The following POU2F2 variants were observed in gnomAD, a reference collection of about 807,000 sequenced individuals.
POU2F2 encodes POU domain, class 2, transcription factor 2.
Under a neutral mutation model 63.5 loss-of-function variants are expected in POU2F2, and 14 were observed. The observed-to-expected ratio is 0.22, with a 90% CI of 0.15 to 0.34. The LOEUF is 0.34. POU2F2 is among the 10% of genes least tolerant of loss of function. The pLI, the probability that POU2F2 is intolerant of heterozygous loss-of-function variation, is 1.00. For synonymous variants in POU2F2, 306 were observed against 348.6 expected (o/e 0.88, Z 1.36); for missense variants, 607 against 815.2 (o/e 0.74, Z 3.11).
At position 42,152,384 on chromosome 19, in the gene POU2F2, G is replaced by A. The variant is rs1251911163; in HGVS notation, c.-9+7948C>T. On this transcript the variant is annotated intron_variant, in intron 2 of 6. Transcript: ENST00000524801. The surrounding 1 kb of genome is among the most constrained non-coding windows in gnomAD (Gnocchi z 4.1). ...ACAGCCTGCCAAGAAGGCCCCAGAT[G>A]GGCCGAGGACTATAGGGGTCCCGGC... Among the ~76,000 whole-genome samples the A allele has an allele frequency of 6.6e-6, 1 of 152,020 alleles. No individual in the cohort carries two copies. Among genetic ancestry groups the A allele is most frequent in the African/African-American group, 2.4e-5 (1 of 41,398 alleles).
intron 5 of POU2F2, among the ~76,000 whole-genome samples, chr19:42,105,221 T>C (rs2077292092): frequency 6.6e-6 from 1 of 152,186 alleles, no homozygotes; most frequent in Non-Finnish European, 1.5e-5. Context: ...CATAATCTTT[T>C]GGCCCCACAA....
intron 5 of POU2F2, among the ~76,000 whole-genome samples, chr19:42,115,469 C>T (rs888909009): frequency 6.6e-6 from 1 of 152,172 alleles, no homozygotes; most frequent in African/African-American, 2.4e-5. Flanking sequence ...AAACGCCAGG[C>T]TAAGGGAAGT....
At chr19:42,116,035 C>G (rs1180285823) in intron 5 of POU2F2, among the ~76,000 whole-genome samples, 1 of 152,196 alleles carries the variant, frequency 6.6e-6, no homozygotes, top group African/African-American at 2.4e-5. Context: ...ATGACAGATT[C>G]TCCCTGGGAG....
At chr19:42,140,455 G>A (rs770246210) in intron 2 of POU2F2, among the ~76,000 whole-genome samples, 5 of 152,286 alleles carry the variant, frequency 3.3e-5, no homozygotes, top group African/African-American at 9.6e-5. Flanking sequence ...GGACCTCCCC[G>A]CTGGCCACAG....
At chr19:42,140,311 GC>G (rs1012565248) in intron 2 of POU2F2, among the ~76,000 whole-genome samples, 4 of 152,166 alleles carry the variant, frequency 2.6e-5, no homozygotes, top group African/African-American at 9.7e-5. Context: ...CTCAGAGGCC[GC>G]CGCTGTCATC....
At chr19:42,188,831 GAAA>G (rs1283904209) in intron 1 of POU2F2, among the ~76,000 whole-genome samples, 2 of 141,426 alleles carry the variant, frequency 1.4e-5, no homozygotes, top group Admixed American at 7.3e-5. Flanking sequence ...GAGAGAGGAA[GAAA>G]AAAGAAAGAA....
chr19:42,087,653 T>C lies in POU2F2; in HGVS notation c.*3604A>G, dbSNP rs2076591034. 1 of 150,376 alleles carries C rather than the reference T, an allele frequency of 6.6e-6. No homozygotes were observed. The highest frequency in any genetic ancestry group is 6.7e-5 in the Admixed American group (1 of 15,010). 9.3% of individuals were successfully genotyped at this position (150,376 alleles called of 1,614,324 possible). Reference sequence around the variant, plus strand: ...GCCCACCATTAGGGTAGACCCAGTCTCTGTCCCTCCCTTAAGTAGGAGGTC... The same window carrying C: ...GCCCACCATTAGGGTAGACCCAGTCCCTGTCCCTCCCTTAAGTAGGAGGTC... On this transcript the variant is annotated 3_prime_UTR_variant, in exon 15 of 15. Transcript: ENST00000692977.
intron 1 of POU2F2, among the ~76,000 whole-genome samples, chr19:42,161,755 A>C (rs1278613224): frequency 6.6e-6 from 1 of 152,084 alleles, no homozygotes; most frequent in African/African-American, 2.4e-5. Flanking sequence ...CTTCATCTTC[A>C]GGGGCAGAAG....
intron 1 of POU2F2, among the ~76,000 whole-genome samples, chr19:42,171,475 T>G (rs1326063325): frequency 6.8e-6 from 1 of 146,532 alleles, no homozygotes; most frequent in Non-Finnish European, 1.5e-5. Flanking sequence ...TGTGTGCACT[T>G]TAATGCAGGA....
In POU2F2 at chr19:42,092,325, A is replaced by G; in HGVS notation, c.1265-55T>C. The G allele has an allele frequency of 7.3e-7, 1 of 1,367,090 alleles. No homozygotes were observed. The highest frequency in any genetic ancestry group is 1.0e-6 in the Non-Finnish European group (1 of 979,792). 84.7% of individuals were successfully genotyped at this position (1,367,090 alleles called of 1,614,324 possible). Reference sequence around the variant, plus strand: ...TTCAGCTTCCACTCGTCCCCCACTGAGGAACCTGGGGTCAGCTCCTACTTG... The same window carrying G: ...TTCAGCTTCCACTCGTCCCCCACTGGGGAACCTGGGGTCAGCTCCTACTTG... On this transcript the variant is annotated intron_variant, in intron 12 of 14. Transcript: ENST00000692977. The surrounding 1 kb of genome is among the most constrained non-coding windows in gnomAD (Gnocchi z 5.0).
At chr19:42,167,394 C>A (rs1435382716) in intron 1 of POU2F2, among the ~76,000 whole-genome samples, 7 of 151,540 alleles carry the variant, frequency 4.6e-5, no homozygotes. Context: ...GCAGAGGTTG[C>A]AGTGGGCTGA....
Position 42,099,738 on chromosome 19 carries a change from C to T in POU2F2, c.453G>A (p.Pro151=), listed in dbSNP as rs763892286. 21 of 1,592,856 alleles carry T rather than the reference C, an allele frequency of 1.3e-5. No individual in the cohort carries two copies. Among genetic ancestry groups the T allele is most frequent in the Admixed American group, 5.3e-5 (3 of 56,736 alleles). The change falls in exon 6 of 15, where the codon CCG becomes CCA. Residue 151 remains proline (P), a synonymous_variant. Transcript: ENST00000692977. ...HLQPPAQFLL[P]QAQQSQPGLL... ...TACCTGGCTGGCTCTGCTGGGCCTG[C>T]GGTAGCAGGAACTGAGCAGGTGGCT...
At chr19:42,161,682 G>T (rs1159381685) in intron 1 of POU2F2, among the ~76,000 whole-genome samples, 1 of 152,078 alleles carries the variant, frequency 6.6e-6, no homozygotes, top group Non-Finnish European at 1.5e-5. Context: ...GAAGCAAAAG[G>T]GGGGTAAAAA....
upstream of POU2F2, among the ~76,000 whole-genome samples, chr19:42,135,511 TCTGCTCCTG>T (rs2033988308): frequency 1.3e-5 from 2 of 151,976 alleles, no homozygotes; most frequent in South Asian, 4.2e-4. Context: ...GAGATGTGTG[TCTGCTCCTG>T]CTGCAGGGCC....
At chr19:42,140,700 T>G (rs529505970) in intron 2 of POU2F2, among the ~76,000 whole-genome samples, 2 of 152,256 alleles carry the variant, frequency 1.3e-5, no homozygotes, top group Non-Finnish European at 2.9e-5. Flanking sequence ...TTTGCTTTAC[T>G]GTCTCTTTCA....
rs183247835 is a variant in POU2F2, at chr19:42,139,817, A to T, written c.-8-17241T>A. Among the ~76,000 whole-genome samples, 13 of 152,334 alleles carry T rather than the reference A, an allele frequency of 8.5e-5. No individual in the cohort carries two copies. In the East Asian group the frequency reaches 2.5e-3, roughly 29 times the overall value. The stretch of plus-strand genomic sequence containing the variant: ...TGACGGCTCAACTGGCCATTGACAA[A>T]TAGGGAGGTAAAGCATGGCCAACCT... On this transcript the variant is annotated intron_variant, in intron 2 of 6. Transcript: ENST00000524801.
At chr19:42,111,095 A>G (rs182283037) in intron 5 of POU2F2, among the ~76,000 whole-genome samples, 2 of 151,832 alleles carry the variant, frequency 1.3e-5, no homozygotes, top group Non-Finnish European at 2.9e-5. Flanking sequence ...CCATCTGTCC[A>G]TCTATCCTTC....
At chr19:42,179,789 G>T (rs1211311341), upstream of POU2F2, among the ~76,000 whole-genome samples, 1 of 152,132 alleles carries the variant, frequency 6.6e-6, no homozygotes, top group Non-Finnish European at 1.5e-5. Flanking sequence ...GGCGTACAAA[G>T]TAAGTACCCA....
rs1056817304 is a variant in POU2F2 at position 42,086,390 on chromosome 19, G to C, written c.*4867C>G. Reference sequence around the variant, plus strand: ...GGAAAGGCAGGTCTACTCCAGGGCTGATTTCTGGATGCCGGTTCCTGGGCA... The same window carrying C: ...GGAAAGGCAGGTCTACTCCAGGGCTCATTTCTGGATGCCGGTTCCTGGGCA... On this transcript the variant is annotated 3_prime_UTR_variant, in exon 15 of 15. Transcript: ENST00000692977. The C allele has an allele frequency of 1.3e-5, 2 of 152,200 alleles. No individual in the cohort carries two copies. The highest frequency in any genetic ancestry group is 4.8e-5 in the African/African-American group (2 of 41,434). The allele number at this position is 152,200 out of a possible 1,614,324, so 9.4% of individuals were successfully genotyped here.
Sources: gnomAD v4.1 joint callset for allele counts (sites outside exome capture counted in the v4.1 genomes callset) on GRCh38, gnomAD v4.1.1 for gene constraint, Gnocchi (gnomAD v3.1) non-coding constraint, MANE v1.5 for transcripts, NCBI Gene and HGNC (gene_info 2026-07-23, HGNC 2026-07-21) for gene names.